Variants in ABCA3 observed in about 807,000 individuals in gnomAD.
ABCA3 encodes the protein ATP binding cassette subfamily A member 3.
Under a neutral mutation model 172.8 loss-of-function variants are expected in ABCA3, and 88 were observed. The ratio of observed to expected loss-of-function variants is 0.51; its 90% confidence interval spans 0.43 to 0.61. The LOEUF is 0.61. Ranked by LOEUF, ABCA3 falls within the 20% of genes least tolerant of loss-of-function variation. The probability of loss-of-function intolerance (pLI) is 0.00; values close to 1 mark genes in which losing one functional copy is unlikely to be tolerated. For synonymous variants in ABCA3, 1,066 were observed against 983.8 expected (o/e 1.08, Z -1.56); for missense variants, 2,164 against 2,301.0 (o/e 0.94, Z 1.22).
chr16:2,310,620 G>A (rs1008131564), intron 10 of ABCA3, among the ~76,000 whole-genome samples: 7 of 150,238 alleles, frequency 4.7e-5, no homozygotes, highest in Admixed American at 4.0e-4. Context: ...GGGCTCAAGC[G>A]ATTCTCCCAC....
intron 10 of ABCA3, 135 bp from the exon 11 acceptor site, chr16:2,308,758 G>A (rs1040798881): frequency 1.2e-5 from 12 of 1,003,262 alleles, no homozygotes; most frequent in African/African-American, 4.8e-5. Context: ...CCATCTACAC[G>A]GGACACAAGC....
At position 2,281,322 on chromosome 16, in the gene ABCA3, C is replaced by G; in HGVS notation, c.4164+59G>C. ...AAGCTTCCAGGGATGGGGTCGGACC[C>G]TGGGGACAGCCAGGTAGTCAGCTGG... On this transcript the variant is annotated intron_variant, in intron 27 of 32. Coordinates refer to ENST00000301732, the MANE Select transcript of ABCA3 (RefSeq NM_001089.3). The surrounding 1 kb of genome is among the most constrained non-coding windows in gnomAD (Gnocchi z 4.7). 6.2e-7 allele frequency: 1 copy of G among 1,613,292 alleles called. No homozygotes were observed. Among genetic ancestry groups the G allele is most frequent in the Non-Finnish European group, 8.5e-7 (1 of 1,179,886 alleles).
At chr16:2,313,325 C>A (rs536443522) in intron 10 of ABCA3, among the ~76,000 whole-genome samples, 3 of 151,966 alleles carry the variant, frequency 2.0e-5, no homozygotes, top group East Asian at 3.9e-4. Flanking sequence ...GAGGCTGAGG[C>A]TGGTGGATCA....
intron 3 of ABCA3, among the ~76,000 whole-genome samples, chr16:2,328,131 AT>A (rs2093737274): frequency 6.6e-6 from 1 of 152,158 alleles, no homozygotes; most frequent in Admixed American, 6.5e-5. Context: ...GGGGAAAAAA[AT>A]CTGCCAAAAG....
At position 2,319,827 on chromosome 16, in the gene ABCA3, T is replaced by C; in HGVS notation, c.627A>G (p.Glu209=). The C allele has an allele frequency of 6.2e-7, 1 of 1,613,832 alleles. No homozygotes were observed. The highest frequency in any genetic ancestry group is 8.5e-7 in the Non-Finnish European group (1 of 1,180,018). ...PDGGEPGYIR[E]GFLAVQHAVD... Reference sequence around the variant, plus strand: ...CAGCATGCTGCACGGCCAGGAAGCCTTCCCGGATGTACCCTGGGTGCGGGA... The same window carrying C: ...CAGCATGCTGCACGGCCAGGAAGCCCTCCCGGATGTACCCTGGGTGCGGGA... Residue 209 remains glutamate, a synonymous_variant, in exon 8 of 33, where the codon GAA becomes GAG. Transcript: ENST00000301732.
intron 7 of ABCA3, among the ~76,000 whole-genome samples, chr16:2,322,731 G>T (rs992215467): frequency 1.3e-4 from 20 of 152,018 alleles, no homozygotes; most frequent in African/African-American, 4.8e-4. Flanking sequence ...TACCATTCAG[G>T]ACATAGGCAT....
intron 12 of ABCA3, among the ~76,000 whole-genome samples, chr16:2,301,089 G>T (rs1427475238): frequency 6.6e-6 from 1 of 151,648 alleles, no homozygotes; most frequent in East Asian, 1.9e-4. Context: ...AAATTAGCCG[G>T]GCGTGGTGGT....
At chr16:2,322,429 G>A (rs1054503946) in intron 7 of ABCA3, among the ~76,000 whole-genome samples, 3 of 150,860 alleles carry the variant, frequency 2.0e-5, no homozygotes, top group African/African-American at 7.3e-5. Context: ...TGCACAATGT[G>A]CAGGTTAGTT....
At chr16:2,322,141 T>C (rs1436037932) in intron 7 of ABCA3, among the ~76,000 whole-genome samples, 1 of 149,518 alleles carries the variant, frequency 6.7e-6, no homozygotes, top group Non-Finnish European at 1.5e-5. Context: ...GCGGTTGCAG[T>C]GAGCCGAGGT....
In ABCA3 at chr16:2,283,188, G is replaced by C; in HGVS notation, c.4033C>G (p.Leu1345Val). The C allele has an allele frequency of 6.2e-7, 1 of 1,612,924 alleles. No homozygotes were observed. The highest frequency in any genetic ancestry group is 8.5e-7 in the Non-Finnish European group (1 of 1,179,884). The change falls in exon 26 of 33, where the codon CTG becomes GTG. Residue 1345 changes from leucine to valine, a missense_variant and splice_region_variant. Leu to Val is a conservative substitution (Grantham distance 32). Coordinates refer to ENST00000301732, the MANE Select transcript of ABCA3 (RefSeq NM_001089.3). This position sits in a 1 kb window ranked among gnomAD's most constrained non-coding sequence, Gnocchi z 5.4. ...ILCALRRRRTLTELYTRMPVL... is the reference protein window; with the variant it reads ...ILCALRRRRTVTELYTRMPVL... ...CCTGGGCTCCCGGAGCCACTCACCA[G>C]TGTCCGCCTCCTCCGGAGGGCGCAG...
In ABCA3 at chr16:2,300,095, G is replaced by A; in HGVS notation, c.1521C>T (p.Asp507=). 6.2e-7 allele frequency: 1 copy of A among 1,613,598 alleles called. No individual in the cohort carries two copies. Among genetic ancestry groups the A allele is most frequent in the East Asian group, 2.2e-5 (1 of 44,874 alleles). ...TTCTGAGTGCTTTCTCGGGGTCACTGTCTTCTTCCTCCTTCCCTGCAACCG... is the reference window on the plus strand; with the variant it reads ...TTCTGAGTGCTTTCTCGGGGTCACTATCTTCTTCCTCCTTCCCTGCAACCG... The part of the protein sequence containing the change: ...PRAVAGKEEE[D]SDPEKALRNE... Residue 507 remains aspartate, a synonymous_variant, in exon 13 of 33, where the codon GAC becomes GAT. Coordinates refer to ENST00000301732, the MANE Select transcript of ABCA3 (RefSeq NM_001089.3).
chr16:2,292,013 C>T (rs993398100), intron 19 of ABCA3, 127 bp downstream of exon 19: 37 of 713,344 alleles, frequency 5.2e-5, no homozygotes, highest in Middle Eastern at 3.9e-4. Flanking sequence ...GCGGAGGTTG[C>T]GGTGAGCCGA....
intron 1 of ABCA3, among the ~76,000 whole-genome samples, chr16:2,338,106 A>G (rs935673448): frequency 6.6e-6 from 1 of 152,174 alleles, no homozygotes; most frequent in African/African-American, 2.4e-5. Context: ...GAGGCAATGG[A>G]AAGTCCCCAG....
At chr16:2,301,416 A>T (rs1012781181) in intron 12 of ABCA3, among the ~76,000 whole-genome samples, 2 of 152,044 alleles carry the variant, frequency 1.3e-5, no homozygotes, top group South Asian at 4.1e-4. Context: ...TGAAAACAGA[A>T]ATGGCCTCGG....
chr16:2,299,570 G>A (rs776527502), intron 13 of ABCA3, 38 bp from the exon 14 acceptor site: 1 of 1,609,532 alleles, frequency 6.2e-7, no homozygotes, highest in Non-Finnish European at 8.5e-7. Flanking sequence ...GCTACCCACA[G>A]CCCCGAGGCC....
rs891633198 is a variant in ABCA3 at position 2,285,332 on chromosome 16, C to A, written c.3483+110G>T. 1.5e-6 allele frequency: 2 copies of A among 1,344,958 alleles called. No individual in the cohort carries two copies. The highest frequency in any genetic ancestry group is 2.0e-5 in the Admixed American group (1 of 50,714). The allele number at this position is 1,344,958 out of a possible 1,614,324, so 83.3% of individuals were successfully genotyped here. On this transcript the variant is annotated intron_variant, in intron 23 of 32. Transcript: ENST00000301732. The surrounding 1 kb of genome is among the most constrained non-coding windows in gnomAD (Gnocchi z 4.7). The stretch of plus-strand genomic sequence containing the variant: ...TCCAGCTGTCCTCCCTGAGTCGGGC[C>A]GAGCTGCCGGCCTAGGGGCTGCCCA...
At chr16:2,305,978 C>T (rs1018517937) in intron 11 of ABCA3, among the ~76,000 whole-genome samples, 3 of 152,106 alleles carry the variant, frequency 2.0e-5, no homozygotes, top group South Asian at 2.1e-4. Flanking sequence ...TCTGTTTGGC[C>T]GAGGACCCTG....
At chr16:2,317,157 G>A (rs894859411) in intron 10 of ABCA3, 126 bp downstream of exon 10, 2 of 1,409,268 alleles carry the variant, frequency 1.4e-6, no homozygotes, top group African/African-American at 1.4e-5. Context: ...ACCTTCCCCT[G>A]GTCAGCTCCT....
chr16:2,307,750 C>A (rs1236524475), intron 11 of ABCA3, among the ~76,000 whole-genome samples: 6 of 152,068 alleles, frequency 3.9e-5, no homozygotes, highest in Non-Finnish European at 5.9e-5. Flanking sequence ...GGACTACAGG[C>A]GCCTGCCACC....
Sources: gnomAD v4.1 joint callset for allele counts (sites outside exome capture counted in the v4.1 genomes callset) on GRCh38, gnomAD v4.1.1 for gene constraint, Gnocchi (gnomAD v3.1) non-coding constraint, MANE v1.5 for transcripts, NCBI Gene and HGNC (gene_info 2026-07-23, HGNC 2026-07-21) for gene names.